Variants in TMEM135 observed in about 807,000 individuals in gnomAD.
TMEM135 encodes the protein peroxisomal membrane protein 52.
In TMEM135, 30 loss-of-function variants were observed where a neutral mutation model predicts 60.3. That is an observed-to-expected ratio of 0.50 (90% CI 0.37 to 0.68). TMEM135 has a LOEUF of 0.68. Ranked by LOEUF, TMEM135 falls within the 30% of genes least tolerant of loss-of-function variation. TMEM135 has a pLI of 0.00. For missense variants in TMEM135, 468 were observed against 548.8 expected, an observed-to-expected ratio of 0.85 and a Z score of 1.47; for synonymous variants, 190 against 186.7, an observed-to-expected ratio of 1.02 and a Z score of -0.14.
At chr11:87,080,499 G>A (rs1856966983) in intron 3 of TMEM135, among the ~76,000 whole-genome samples, 1 of 152,038 alleles carries the variant, frequency 6.6e-6, no homozygotes, top group African/African-American at 2.4e-5. Flanking sequence ...ATCTTCAACT[G>A]TGATTCTGGA....
At chr11:87,041,198 T>C (rs1365397884) in intron 1 of TMEM135, among the ~76,000 whole-genome samples, 1 of 152,178 alleles carries the variant, frequency 6.6e-6, no homozygotes, top group Non-Finnish European at 1.5e-5. Context: ...ATCCCCATTT[T>C]ATAGGTAAGA....
intron 5 of TMEM135, among the ~76,000 whole-genome samples, chr11:87,169,944 A>T (rs1939185749): frequency 6.6e-6 from 1 of 151,902 alleles, no homozygotes; most frequent in Admixed American, 6.6e-5. Flanking sequence ...CACCAATCAA[A>T]CATAGGTTTG....
At position 87,324,412 on chromosome 11, in the gene TMEM135, C is replaced by T. The variant is rs1242078394; in HGVS notation, c.*3079C>T. On this transcript the variant is annotated 3_prime_UTR_variant, in exon 15 of 15. Coordinates refer to ENST00000305494, the MANE Select transcript of TMEM135 (RefSeq NM_022918.4). ...TATTAGCCCAGAGATTCCTTAAATT[C>T]TCCGTGTGATTTATTTTTTTATTTT... 2.2e-6 allele frequency: 1 copy of T among 453,858 alleles called. No individual in the cohort carries two copies. Among genetic ancestry groups the T allele is most frequent in the Admixed American group, 2.4e-5 (1 of 42,532 alleles). The allele number at this position is 453,858 out of a possible 1,614,324, so 28.1% of individuals were successfully genotyped here.
chr11:87,209,188 T>G (rs761427569), intron 5 of TMEM135, among the ~76,000 whole-genome samples: 7 of 152,092 alleles, frequency 4.6e-5, no homozygotes, highest in Non-Finnish European at 5.9e-5. Context: ...CAGGATCAAA[T>G]CCTCACATAT....
At position 87,326,301 on chromosome 11, in the gene TMEM135, G is replaced by C. The variant is rs2134550455; in HGVS notation, c.*4968G>C. 4.4e-6 allele frequency: 2 copies of C among 454,028 alleles called. No individual in the cohort carries two copies. The highest frequency in any genetic ancestry group is 8.8e-6 in the Non-Finnish European group (2 of 226,774). The allele number at this position is 454,028 out of a possible 1,614,324, so 28.1% of individuals were successfully genotyped here. A position where few individuals can be genotyped will look rare whatever the true frequency, so the allele number is the denominator to read the frequency against. The stretch of plus-strand genomic sequence containing the variant: ...CTTGAGAGATTCAGGCTTCCATAAA[G>C]TAGACCTGTAGACCTATGTTGGCTG... On this transcript the variant is annotated 3_prime_UTR_variant, in exon 15 of 15. Transcript: ENST00000305494.
intron 1 of TMEM135, among the ~76,000 whole-genome samples, chr11:87,038,625 T>A (rs1949725005): frequency 6.6e-6 from 1 of 150,666 alleles, no homozygotes; most frequent in African/African-American, 2.4e-5. Context: ...TTTTTTTTTT[T>A]TTTTAATGAA....
At chr11:87,258,635 G>C (rs1055824433) in intron 6 of TMEM135, among the ~76,000 whole-genome samples, 1 of 152,050 alleles carries the variant, frequency 6.6e-6, no homozygotes, top group Non-Finnish European at 1.5e-5. Flanking sequence ...GCTGCACTGT[G>C]GTATCAGAGT....
At chr11:87,231,185 G>T (rs1254543450) in intron 5 of TMEM135, among the ~76,000 whole-genome samples, 19 of 152,102 alleles carry the variant, frequency 1.2e-4, no homozygotes, top group Admixed American at 1.2e-3. Context: ...AGTGTAGGCG[G>T]ACCATGCTGG....
intron 6 of TMEM135, among the ~76,000 whole-genome samples, chr11:87,238,413 G>A (rs1027239927): frequency 1.3e-5 from 2 of 152,002 alleles, no homozygotes; most frequent in East Asian, 3.9e-4. Context: ...CATAGATGAC[G>A]AGTCAAGGTA....
intron 6 of TMEM135, among the ~76,000 whole-genome samples, chr11:87,249,654 C>G (rs1031030558): frequency 2.0e-5 from 3 of 152,110 alleles, no homozygotes; most frequent in Non-Finnish European, 2.9e-5. Context: ...CCTTGTATCC[C>G]TGGGATAAAT....
chr11:87,046,413 AAAAC>A (rs1347189481), intron 1 of TMEM135, among the ~76,000 whole-genome samples: 6 of 152,200 alleles, frequency 3.9e-5, no homozygotes, highest in Non-Finnish European at 8.8e-5. Flanking sequence ...AACAAACAAC[AAAAC>A]AAACCCAGTA....
intron 6 of TMEM135, among the ~76,000 whole-genome samples, chr11:87,288,513 A>G (rs1027171266): frequency 6.6e-5 from 10 of 152,154 alleles, no homozygotes; most frequent in Non-Finnish European, 1.5e-4. Flanking sequence ...TAGTGAGATC[A>G]TTTCTCTTTT....
At chr11:87,093,899 T>C (rs1240137321) in intron 4 of TMEM135, among the ~76,000 whole-genome samples, 1 of 152,122 alleles carries the variant, frequency 6.6e-6, no homozygotes, top group African/African-American at 2.4e-5. Context: ...ATTTTAATTT[T>C]AAAAAGATGA....
intron 6 of TMEM135, among the ~76,000 whole-genome samples, chr11:87,240,815 T>C (rs770608724): frequency 2.6e-5 from 4 of 152,144 alleles, no homozygotes; most frequent in Non-Finnish European, 5.9e-5. Flanking sequence ...ACCTAGTAAG[T>C]ACCAGCTAGA....
chr11:87,044,587 C>G (rs1182925847), intron 1 of TMEM135, among the ~76,000 whole-genome samples: 1 of 152,034 alleles, frequency 6.6e-6, no homozygotes, highest in Non-Finnish European at 1.5e-5. Context: ...CTTTATCTTT[C>G]TTTTCAATAA....
chr11:87,143,395 C>T (rs2135248444), intron 4 of TMEM135, among the ~76,000 whole-genome samples: 2 of 149,786 alleles, frequency 1.3e-5, no homozygotes, highest in South Asian at 4.2e-4. Context: ...GACCATGGAG[C>T]ACACTTTCCT....
intron 5 of TMEM135, among the ~76,000 whole-genome samples, chr11:87,213,669 C>T (rs558014274): frequency 7.2e-5 from 11 of 152,220 alleles, no homozygotes; most frequent in Admixed American, 5.9e-4. Context: ...CTGTTTTGTT[C>T]TTCCAAATTA....
intron 5 of TMEM135, among the ~76,000 whole-genome samples, chr11:87,229,330 A>C (rs1435350640): frequency 6.6e-6 from 1 of 151,936 alleles, no homozygotes; most frequent in African/African-American, 2.4e-5. Flanking sequence ...CCAGCCAACC[A>C]AAAAAACAAA....
At chr11:87,259,012 G>A in intron 6 of TMEM135, 3 of 1,524,372 alleles carry the variant, frequency 2.0e-6, no homozygotes, top group Non-Finnish European at 1.8e-6. Flanking sequence ...AAAGGAAGTG[G>A]TCCCAATCCA....
Sources: gnomAD v4.1 joint callset for allele counts (sites outside exome capture counted in the v4.1 genomes callset) on GRCh38, gnomAD v4.1.1 for gene constraint, MANE v1.5 for transcripts, NCBI Gene and HGNC (gene_info 2026-07-23, HGNC 2026-07-21) for gene names.